The following SSR3 variants were observed in gnomAD, a reference collection of about 807,000 sequenced individuals.
The protein encoded by SSR3 is signal sequence receptor subunit 3, also known as translocon-associated protein subunit gamma.
SSR3 carries 10 observed loss-of-function variants against 22.1 expected under a neutral mutation model. The observed-to-expected ratio is 0.45, with a 90% CI of 0.28 to 0.77. The LOEUF is 0.77. SSR3 is among the 30% of genes least tolerant of loss of function. The pLI is 0.13. For missense variants in SSR3, 181 were observed against 220.5 expected, an observed-to-expected ratio of 0.82 and a Z score of 1.13; for synonymous variants, 104 against 82.5, an observed-to-expected ratio of 1.26 and a Z score of -1.42.
rs779736180 is a variant in SSR3, at chr3:156,548,923, C to T, written c.341G>A (p.Arg114Gln). The change falls in exon 3 of 5, where the codon CGG becomes CAG. Residue 114 changes from arginine to glutamine, a missense_variant. Transcript: ENST00000265044. ...LSEADNRKMS[R>Q]KEKDERILWK... ...GTCAAACCTTTCATCTTTCTCCTTC[C>T]GAGACATCTTTCTATTATCAGCTTC... 1.9e-6 allele frequency: 3 copies of T among 1,613,420 alleles called. No homozygotes were observed. Among genetic ancestry groups the T allele is most frequent in the Admixed American group, 1.7e-5 (1 of 60,000 alleles).
intron 3 of SSR3, among the ~76,000 whole-genome samples, chr3:156,547,755 C>T (rs2108447679): frequency 6.6e-6 from 1 of 152,292 alleles, no homozygotes; most frequent in East Asian, 1.9e-4. Context: ...TAAGGATCCA[C>T]TTGATAAAGT....
chr3:156,552,059 G>A (rs1719978567), intron 2 of SSR3, among the ~76,000 whole-genome samples: 1 of 152,148 alleles, frequency 6.6e-6, no homozygotes, highest in Non-Finnish European at 1.5e-5. Context: ...CTAGAACTTT[G>A]GGAGACCGAG....
chr3:156,544,438 T>C lies in SSR3; in HGVS notation c.361A>G (p.Ile121Val), dbSNP rs1459032301. 1.3e-6 allele frequency: 2 copies of C among 1,572,966 alleles called. No homozygotes were observed. The highest frequency in any genetic ancestry group is 1.7e-6 in the Non-Finnish European group (2 of 1,161,218). Residue 121 changes from isoleucine to valine, a missense_variant and splice_region_variant, in exon 4 of 5, where the codon ATC becomes GTC. Ile to Val is a conservative substitution (Grantham distance 29). Coordinates refer to ENST00000265044, the MANE Select transcript of SSR3 (RefSeq NM_007107.5). ...GCAACTTCATTCTTCTTCCACAAGA[T>C]TCTACAGACACAGAAACAAGTCAAA... Reference protein sequence around the residue: ...KMSRKEKDERILWKKNEVADY... With the variant: ...KMSRKEKDERVLWKKNEVADY...
At position 156,555,078 on chromosome 3, in the gene SSR3, T is replaced by C. The variant is rs749301866; in HGVS notation, c.12A>G (p.Lys4=). The C allele has an allele frequency of 1.7e-5, 27 of 1,613,570 alleles. No homozygotes were observed. The highest frequency in any genetic ancestry group is 3.3e-5 in the Admixed American group (2 of 60,002). The change falls in exon 1 of 5, where the codon AAA becomes AAG. Residue 4 remains lysine, a synonymous_variant. Coordinates refer to ENST00000265044, the MANE Select transcript of SSR3 (RefSeq NM_007107.5). MAP[K]GSSKQQSEED... ...CCTCAGACTGCTGTTTGGAGCTGCC[T>C]TTAGGAGCCATGGCGGAGCTGCAGG... is the stretch of plus-strand genomic sequence containing the variant.
intron 1 of SSR3, among the ~76,000 whole-genome samples, chr3:156,554,329 T>C (rs1440404170): frequency 6.6e-6 from 1 of 152,236 alleles, no homozygotes; most frequent in Non-Finnish European, 1.5e-5. Context: ...TTCTGGAAAC[T>C]TGAGCTCTAC....
At chr3:156,547,454 T>C (rs1270218032) in intron 3 of SSR3, among the ~76,000 whole-genome samples, 1 of 152,208 alleles carries the variant, frequency 6.6e-6, no homozygotes, top group Non-Finnish European at 1.5e-5. Flanking sequence ...TAACTATGCA[T>C]ACCCTAGTTT....
At chr3:156,545,779 G>T (rs1351927997) in intron 3 of SSR3, among the ~76,000 whole-genome samples, 1 of 152,152 alleles carries the variant, frequency 6.6e-6, no homozygotes, top group Non-Finnish European at 1.5e-5. Flanking sequence ...TAATTTCATA[G>T]AAGTTTAAAT....
At chr3:156,553,040 T>TA (rs137859101) in intron 2 of SSR3, among the ~76,000 whole-genome samples, 19,805 of 136,462 alleles carry the variant, frequency 0.15, 1,424 homozygotes, top group East Asian at 0.29. Flanking sequence ...GACAGAGAGT[T>TA]AAAAAAAAAA....
rs1309735518 is a variant in SSR3 at position 156,542,623 on chromosome 3, TTAAGAAA to T, written c.*573_*579del. 2.0e-5 allele frequency: 3 copies of T among 150,894 alleles called. No individual in the cohort carries two copies. Among genetic ancestry groups the T allele is most frequent in the East Asian group, 4.0e-4 (2 of 5,014 alleles). The allele number at this position is 150,894 out of a possible 1,614,324, so 9.3% of individuals were successfully genotyped here. A position where few individuals can be genotyped will look rare whatever the true frequency, so the allele number is the denominator to read the frequency against. On this transcript the variant is annotated 3_prime_UTR_variant, in exon 5 of 5. Coordinates refer to ENST00000265044, the MANE Select transcript of SSR3 (RefSeq NM_007107.5). ...AGGTTACTACCTTGGCTGCCCTTCT[TTAAGAAA>T]AAAAAAAGAAAAAAAAAGAACTTTT...
chr3:156,541,111 AT>A lies in SSR3; in HGVS notation c.*2091del, dbSNP rs1382833193. 1.3e-5 allele frequency: 2 copies of A among 152,256 alleles called. No individual in the cohort carries two copies. The highest frequency in any genetic ancestry group is 4.8e-5 in the African/African-American group (2 of 41,482). 9.4% of individuals were successfully genotyped at this position (152,256 alleles called of 1,614,324 possible). ...TCATTTTCCTACAAATCTTCAGTTT[AT>A]TAATTCAAGAGAAACTATATTAGGA... On this transcript the variant is annotated 3_prime_UTR_variant, in exon 5 of 5. Coordinates refer to ENST00000265044, the MANE Select transcript of SSR3 (RefSeq NM_007107.5).
rs563665654 is a variant in SSR3, at chr3:156,544,194, G to T, written c.491+114C>A. ...TTATCTAAAGTCAGCACTATTTAAT[G>T]GACTGACTCCCAGAGCAGTTTTTCT... On this transcript the variant is annotated intron_variant, in intron 4 of 4. Coordinates refer to ENST00000265044, the MANE Select transcript of SSR3 (RefSeq NM_007107.5). 5.1e-4 allele frequency: 456 copies of T among 899,632 alleles called. 5 individuals are homozygous for T. In the African/African-American group the frequency reaches 7.1e-3, roughly 14 times the overall value. 55.7% of individuals were successfully genotyped at this position (899,632 alleles called of 1,614,324 possible). A position where few individuals can be genotyped will look rare whatever the true frequency, so the allele number is the denominator to read the frequency against.
At chr3:156,554,782 C>A (rs1720088220) in intron 1 of SSR3, 175 bp downstream of exon 1, 5 of 809,272 alleles carry the variant, frequency 6.2e-6, no homozygotes, top group Non-Finnish European at 9.5e-6. Flanking sequence ...CAATCCCAAG[C>A]GACAACACTG....
Position 156,542,616 on chromosome 3 carries a change from C to A in SSR3, c.*587G>T, listed in dbSNP as rs1224969166. 6.6e-6 allele frequency: 1 copy of A among 151,746 alleles called. No homozygotes were observed. Among genetic ancestry groups the A allele is most frequent in the African/African-American group, 2.4e-5 (1 of 41,266 alleles). 9.4% of individuals were successfully genotyped at this position (151,746 alleles called of 1,614,324 possible). ...TATTTTTAGGTTACTACCTTGGCTG[C>A]CCTTCTTTAAGAAAAAAAAAAGAAA... On this transcript the variant is annotated 3_prime_UTR_variant, in exon 5 of 5. Coordinates refer to ENST00000265044, the MANE Select transcript of SSR3 (RefSeq NM_007107.5).
chr3:156,552,015 C>G (rs1719977261), intron 2 of SSR3, among the ~76,000 whole-genome samples: 1 of 152,050 alleles, frequency 6.6e-6, no homozygotes, highest in Admixed American at 6.6e-5. Context: ...AAAAAACAGG[C>G]CATGGCTGGA....
Position 156,553,787 on chromosome 3 carries a change from T to G in SSR3, c.134-6A>C, listed in dbSNP as rs989542089. The G allele has an allele frequency of 1.3e-6, 2 of 1,586,120 alleles. No homozygotes were observed. Among genetic ancestry groups the G allele is most frequent in the South Asian group, 1.2e-5 (1 of 85,206 alleles). On this transcript the variant is annotated splice_polypyrimidine_tract_variant and splice_region_variant and intron_variant, in intron 1 of 4. Transcript: ENST00000265044. Reference sequence around the variant, plus strand: ...CCATATTCGCCAGTATAACCCTGAATTAAAATAAAAGGGGGAAGGGTACAA... The same window carrying G: ...CCATATTCGCCAGTATAACCCTGAAGTAAAATAAAAGGGGGAAGGGTACAA...
chr3:156,553,987 C>T (rs549640358), intron 1 of SSR3: 3 of 417,776 alleles, frequency 7.2e-6, no homozygotes, highest in South Asian at 6.7e-5. Context: ...ATTTGAAAAA[C>T]ATCACCTTCC....
rs1219321089 is a variant in SSR3, at chr3:156,540,570, T to TACTCC, written c.*2628_*2632dup. Reference sequence around the variant, plus strand: ...GCAGTGAGCCAAGATAGAGCCACTGTACTCCAGCCTGGGTGACAGAGCGAG... The same window carrying TACTCC: ...GCAGTGAGCCAAGATAGAGCCACTGTACTCCACTCCAGCCTGGGTGACAGAGCGAG... On this transcript the variant is annotated 3_prime_UTR_variant, in exon 5 of 5. Transcript: ENST00000265044. The TACTCC allele has an allele frequency of 8.0e-6, 1 of 124,786 alleles. No homozygotes were observed. Among genetic ancestry groups the TACTCC allele is most frequent in the African/African-American group, 3.2e-5 (1 of 31,744 alleles). The allele number at this position is 124,786 out of a possible 1,614,324, so 7.7% of individuals were successfully genotyped here.
chr3:156,550,909 AG>A (rs35529741), intron 2 of SSR3, among the ~76,000 whole-genome samples: 21,101 of 152,110 alleles, frequency 0.14, 1,506 homozygotes, highest in East Asian at 0.21. Flanking sequence ...CCCAGTTTAT[AG>A]CTGAGGAATC....
At position 156,544,529 on chromosome 3, in the gene SSR3, A is replaced by G. The variant is rs1346094687; in HGVS notation, c.360-90T>C. 5 of 1,106,956 alleles carry G rather than the reference A, an allele frequency of 4.5e-6. No individual in the cohort carries two copies. In the African/African-American group the frequency reaches 8.1e-5, roughly 18 times the overall value. The allele number at this position is 1,106,956 out of a possible 1,614,324, so 68.6% of individuals were successfully genotyped here. ...TATGGCTCTAGTTCATCATAAAACA[A>G]GTTTTTCCTTGAGTGTTCTAGGGTA... On this transcript the variant is annotated intron_variant, in intron 3 of 4. Transcript: ENST00000265044.
Sources: allele counts gnomAD v4.1 joint callset (sites outside exome capture counted in the v4.1 genomes callset), GRCh38; gene constraint gnomAD v4.1.1; transcripts MANE v1.5; gene names NCBI Gene and HGNC (gene_info 2026-07-23, HGNC 2026-07-21).